Variants in ADGRB3 observed in about 807,000 individuals in gnomAD.
ADGRB3 encodes the protein brain-specific angiogenesis inhibitor 3.
ADGRB3 carries 37 observed loss-of-function variants against 193.4 expected under a neutral mutation model. The ratio of observed to expected loss-of-function variants is 0.19; its 90% CI spans 0.15 to 0.25. The LOEUF (loss-of-function observed/expected upper bound fraction) is 0.25, where lower values mean the gene tolerates loss of function less well. ADGRB3 is among the 10% of genes least tolerant of loss of function. The pLI is 1.00. For missense variants in ADGRB3, 1,637 were observed against 1,852.9 expected (o/e 0.88, Z 2.14); for synonymous variants, 690 against 644.2 (o/e 1.07, Z -1.08).
chr6:69,039,944 G>T (rs1770980397), intron 13 of ADGRB3, among the ~76,000 whole-genome samples: 1 of 151,914 alleles, frequency 6.6e-6, no homozygotes, highest in Non-Finnish European at 1.5e-5. Flanking sequence ...GTTTCACTGT[G>T]TCAGCCAGGA....
chr6:69,158,512 G>C (rs1774905891), intron 17 of ADGRB3, among the ~76,000 whole-genome samples: 1 of 151,092 alleles, frequency 6.6e-6, no homozygotes, highest in African/African-American at 2.4e-5. Context: ...TACTCTAATT[G>C]AAAGACATTC....
chr6:69,162,729 G>C (rs555549745), intron 17 of ADGRB3, among the ~76,000 whole-genome samples: 1 of 152,076 alleles, frequency 6.6e-6, no homozygotes, highest in African/African-American at 2.4e-5. Context: ...AGAAGTAAAT[G>C]ATTTTAAAAG....
chr6:69,383,482 C>T (rs996221949), intron 31 of ADGRB3, among the ~76,000 whole-genome samples: 7 of 151,906 alleles, frequency 4.6e-5, no homozygotes, highest in Non-Finnish European at 1.0e-4. Flanking sequence ...TACAGGACTT[C>T]ATCAAATAAA....
At chr6:69,137,594 C>G (rs1193361578) in intron 17 of ADGRB3, among the ~76,000 whole-genome samples, 2 of 152,024 alleles carry the variant, frequency 1.3e-5, no homozygotes, top group African/African-American at 4.8e-5. Flanking sequence ...GTCAGGAGTT[C>G]AAGAGCATCC....
In ADGRB3 at chr6:69,045,972, G is replaced by T. The variant is rs118171532; in HGVS notation, c.2108-2213G>T. 6.5e-3 allele frequency among the ~76,000 whole-genome samples: 994 copies of T among 152,208 alleles called. 5 individuals are homozygous for T. Among genetic ancestry groups the T allele is most frequent in the Non-Finnish European group, 0.01 (702 of 67,964 alleles). On this transcript the variant is annotated intron_variant, in intron 13 of 31. Coordinates refer to ENST00000370598, the MANE Select transcript of ADGRB3 (RefSeq NM_001704.3). ...GCTAACGTACCTCTAATTGAAGAAT[G>T]AGTGTATTTCATAAAGTAAGACCCA...
chr6:69,161,194 T>TA (rs1774976017), intron 17 of ADGRB3, among the ~76,000 whole-genome samples: 1 of 152,028 alleles, frequency 6.6e-6, no homozygotes, highest in South Asian at 2.1e-4. Context: ...TCATTTATTT[T>TA]ATAATAATGA....
At chr6:69,157,051 G>T (rs549416469) in intron 17 of ADGRB3, among the ~76,000 whole-genome samples, 1 of 152,156 alleles carries the variant, frequency 6.6e-6, no homozygotes, top group African/African-American at 2.4e-5. Context: ...CATGCTGGAC[G>T]CAAACACCCT....
intron 17 of ADGRB3, among the ~76,000 whole-genome samples, chr6:69,172,505 A>G (rs1775297795): frequency 6.6e-6 from 1 of 151,674 alleles, no homozygotes; most frequent in Non-Finnish European, 1.5e-5. Flanking sequence ...TTAGCCAGGC[A>G]TGGTGGCGGG....
chr6:68,793,820 C>T (rs73459235), intron 3 of ADGRB3, among the ~76,000 whole-genome samples: 6,751 of 152,178 alleles, frequency 0.044, 404 homozygotes, highest in African/African-American at 0.13. Context: ...TAAGCCACCA[C>T]GCCCAGCGTA....
At chr6:69,099,537 G>A (rs17403445) in intron 17 of ADGRB3, among the ~76,000 whole-genome samples, 20,559 of 152,202 alleles carry the variant, frequency 0.14, 1,578 homozygotes, top group Middle Eastern at 0.3. Context: ...TCTATCCATA[G>A]TGTCCTAGGG....
At chr6:69,120,964 G>A (rs906144160) in intron 17 of ADGRB3, among the ~76,000 whole-genome samples, 10 of 148,810 alleles carry the variant, frequency 6.7e-5, no homozygotes, top group East Asian at 2.0e-4. Context: ...AAACTGTTTC[G>A]ATATGAATTT....
At chr6:69,071,530 T>C (rs1234900035) in intron 16 of ADGRB3, among the ~76,000 whole-genome samples, 1 of 152,148 alleles carries the variant, frequency 6.6e-6, no homozygotes, top group African/African-American at 2.4e-5. Flanking sequence ...ATTTGAGCAG[T>C]GGTGCATTTT....
At chr6:69,315,979 T>C (rs1384634014) in intron 20 of ADGRB3, among the ~76,000 whole-genome samples, 1 of 151,420 alleles carries the variant, frequency 6.6e-6, no homozygotes, top group East Asian at 1.9e-4. Context: ...TTCAGTATTC[T>C]GTTTTTCATT....
chr6:68,729,844 G>A (rs750894428), intron 3 of ADGRB3, among the ~76,000 whole-genome samples: 4 of 151,166 alleles, frequency 2.6e-5, no homozygotes, highest in Non-Finnish European at 5.9e-5. Context: ...TTACACTGTA[G>A]ATCCTACTTC....
At chr6:68,754,622 T>C (rs1015123140) in intron 3 of ADGRB3, among the ~76,000 whole-genome samples, 7 of 152,120 alleles carry the variant, frequency 4.6e-5, no homozygotes, top group African/African-American at 1.4e-4. Flanking sequence ...GAAATAAGTG[T>C]GTAAAATACA....
chr6:69,057,679 A>G (rs756880260), intron 15 of ADGRB3, among the ~76,000 whole-genome samples: 1 of 152,122 alleles, frequency 6.6e-6, no homozygotes, highest in East Asian at 1.9e-4. Flanking sequence ...TTAAAAATCA[A>G]TTGAGACAGT....
intron 3 of ADGRB3, among the ~76,000 whole-genome samples, chr6:68,716,347 T>G (rs2127319727): frequency 6.6e-6 from 1 of 151,844 alleles, no homozygotes; most frequent in South Asian, 2.1e-4. Flanking sequence ...GATTGAATTG[T>G]TATTATCCTG....
chr6:68,953,379 T>TAA (rs1408562817), intron 6 of ADGRB3, among the ~76,000 whole-genome samples: 1 of 152,186 alleles, frequency 6.6e-6, no homozygotes, highest in African/African-American at 2.4e-5. Flanking sequence ...ATAATGTGGA[T>TAA]AACTGTACAT....
chr6:68,774,370 AT>A (rs77553495), intron 3 of ADGRB3, among the ~76,000 whole-genome samples: 20,535 of 130,226 alleles, frequency 0.16, 1,570 homozygotes, highest in African/African-American at 0.22. Flanking sequence ...CACTATGCCT[AT>A]TTTTTTTTTT....
Sources: allele counts gnomAD v4.1 joint callset (sites outside exome capture counted in the v4.1 genomes callset), GRCh38; gene constraint gnomAD v4.1.1; transcripts MANE v1.5; gene names NCBI Gene and HGNC (gene_info 2026-07-23, HGNC 2026-07-21).